WDR11: variants seen among roughly 807,000 people sequenced by gnomAD.
WDR11 encodes the protein WD repeat-containing protein 11.
Under a neutral mutation model 151.2 loss-of-function variants are expected in WDR11, and 83 were observed. The observed-to-expected ratio is 0.55, with a 90% CI of 0.46 to 0.66. The LOEUF is 0.66. Ranked by LOEUF, WDR11 falls within the 30% of genes least tolerant of loss-of-function variation. The pLI is 0.00. For synonymous variants in WDR11, 484 were observed against 533.1 expected (o/e 0.91, Z 1.27); for missense variants, 1,301 against 1,480.9 (o/e 0.88, Z 1.99).
chr10:120,869,443 C>T (rs912504472), intron 9 of WDR11, among the ~76,000 whole-genome samples: 3 of 152,044 alleles, frequency 2.0e-5, no homozygotes, highest in Non-Finnish European at 4.4e-5. Context: ...CAAATGGATA[C>T]GGATTGTATA....
chr10:120,900,194 A>T, intron 20 of WDR11, 57 bp downstream of exon 20: 1 of 1,450,416 alleles, frequency 6.9e-7, no homozygotes, highest in Non-Finnish European at 9.7e-7. Flanking sequence ...AAAGACACCC[A>T]TGAAAGTCAG....
At chr10:120,897,970 A>G in intron 19 of WDR11, among the ~76,000 whole-genome samples, 1 of 152,334 alleles carries the variant, frequency 6.6e-6, no homozygotes. Context: ...TATTTTGTGT[A>G]TAATTTAATT....
At position 120,873,660 on chromosome 10, in the gene WDR11, T is replaced by A. The variant is rs191550730; in HGVS notation, c.1472-179T>A. ...CACGTGAGGTTAGGCCCATTTTTTT[T>A]ATAAGGAAGTGGACCAGAGAAATTC... On this transcript the variant is annotated intron_variant, in intron 10 of 28. Transcript: ENST00000263461. Among the ~76,000 whole-genome samples, 264 of 152,332 alleles carry A rather than the reference T, an allele frequency of 1.7e-3. 2 individuals carry two copies. The highest frequency in any genetic ancestry group is 5.7e-3 in the African/African-American group (237 of 41,578).
In WDR11 at chr10:120,858,665, A is replaced by G. The variant is rs986989585; in HGVS notation, c.221A>G (p.Tyr74Cys). ...VVKVKWAREN[Y>C]HHNIGSPYCL... ...CAGGTTAAATGGGCCAGGGAAAACTATCACCATAACATTGGCTCACCATAT... is the reference window on the plus strand; with the variant it reads ...CAGGTTAAATGGGCCAGGGAAAACTGTCACCATAACATTGGCTCACCATAT... Residue 74 changes from tyrosine (Y) to cysteine (C), a missense_variant, in exon 3 of 29, where the codon TAT (tyrosine) becomes TGT (cysteine). By Grantham distance (194) the Tyr-to-Cys change is radical. Transcript: ENST00000263461. The G allele has an allele frequency of 2.5e-6, 4 of 1,614,230 alleles. No homozygotes were observed. Among genetic ancestry groups the G allele is most frequent in the Non-Finnish European group, 3.4e-6 (4 of 1,180,042 alleles).
intron 9 of WDR11, among the ~76,000 whole-genome samples, chr10:120,870,360 T>C (rs1322115152): frequency 1.3e-5 from 2 of 152,200 alleles, no homozygotes; most frequent in African/African-American, 4.8e-5. Context: ...TTCTTTCTAT[T>C]TTTGGCAAGT....
chr10:120,851,587 C>T (rs1845774658), intron 1 of WDR11, 81 bp downstream of exon 1: 2 of 1,536,426 alleles, frequency 1.3e-6, no homozygotes, highest in South Asian at 1.2e-5. Context: ...AGGTTTCACC[C>T]CCTGGTTAGT....
At chr10:120,887,374 G>A (rs997163885) in intron 16 of WDR11, among the ~76,000 whole-genome samples, 1 of 152,116 alleles carries the variant, frequency 6.6e-6, no homozygotes, top group Admixed American at 6.5e-5. Context: ...GTGTCAGCAT[G>A]CATCTCATAG....
chr10:120,857,096 G>A (rs111480645), intron 2 of WDR11, among the ~76,000 whole-genome samples: 1 of 148,598 alleles, frequency 6.7e-6, no homozygotes, highest in African/African-American at 2.6e-5. Flanking sequence ...ATATATGTAT[G>A]TATTTTTTGC....
chr10:120,864,953 T>C (rs1289241662), intron 5 of WDR11, 94 bp from the exon 6 acceptor site: 5 of 1,441,644 alleles, frequency 3.5e-6, no homozygotes, highest in Non-Finnish European at 4.8e-6. Flanking sequence ...ACATTTTTAT[T>C]GTCAATTTTT....
intron 14 of WDR11, 41 bp downstream of exon 14, chr10:120,883,929 A>G (rs746747487): frequency 1.0e-5 from 15 of 1,496,636 alleles, no homozygotes; most frequent in East Asian, 6.8e-5. Flanking sequence ...ATTTAGGTAT[A>G]TATGTATGTG....
At position 120,873,803 on chromosome 10, in the gene WDR11, C is replaced by T. The variant is rs781764126; in HGVS notation, c.1472-36C>T. 2.9e-5 allele frequency: 42 copies of T among 1,436,552 alleles called. No individual in the cohort carries two copies. The Middle Eastern group carries it at 5.2e-4, about 18-fold the overall frequency. The allele number at this position is 1,436,552 out of a possible 1,614,324, so 89.0% of individuals were successfully genotyped here. On this transcript the variant is annotated intron_variant, in intron 10 of 28. Coordinates refer to ENST00000263461, the MANE Select transcript of WDR11 (RefSeq NM_018117.12). ...TTCTTGCAAAGTGCTGGAACTCCCA[C>T]TGAATTAATGCTCTTCCATGATGTC...
chr10:120,901,147 T>C, intron 21 of WDR11, 49 bp downstream of exon 21: 6 of 1,466,730 alleles, frequency 4.1e-6, no homozygotes, highest in Non-Finnish European at 5.7e-6. Context: ...GAAAGAAAAA[T>C]GCAATTCAAC....
At chr10:120,878,486 T>G (rs774248357) in intron 12 of WDR11, 27 bp downstream of exon 12, 15 of 1,552,988 alleles carry the variant, frequency 9.7e-6, no homozygotes, top group Non-Finnish European at 1.3e-5. Flanking sequence ...CCAAATAGGT[T>G]TGTCATATTG....
At chr10:120,895,540 C>A (rs1247436203) in intron 19 of WDR11, among the ~76,000 whole-genome samples, 1 of 151,762 alleles carries the variant, frequency 6.6e-6, no homozygotes, top group Non-Finnish European at 1.5e-5. Context: ...AAAAGAAAAT[C>A]TTTAATAAGA....
intron 23 of WDR11, among the ~76,000 whole-genome samples, chr10:120,903,445 G>A (rs562187683): frequency 6.6e-6 from 1 of 151,780 alleles, no homozygotes; most frequent in Admixed American, 6.6e-5. Flanking sequence ...AGGAGGCGGA[G>A]GTTGCAGTGA....
Position 120,865,734 on chromosome 10 carries a change from T to A in WDR11, c.984T>A (p.Asn328Lys), listed in dbSNP as rs1001962909. The A allele has an allele frequency of 3.8e-6, 6 of 1,598,134 alleles. No individual in the cohort carries two copies. The highest frequency in any genetic ancestry group is 1.1e-5 in the South Asian group (1 of 90,426). Residue 328 changes from asparagine to lysine, a missense_variant, in exon 7 of 29, where the codon AAT becomes AAA. Physicochemically the swap from Asn to Lys is moderately conservative, Grantham distance 94 (BLOSUM62 0). Around this residue, in one of 3 missense-constraint regions of WDR11, gnomAD observed 692 missense variants for 762.5 expected, o/e 0.91. Coordinates refer to ENST00000263461, the MANE Select transcript of WDR11 (RefSeq NM_018117.12). ...ATAATAACATTTTTACCACTTCAAA[T>A]GAGGAACCAGGTGAGTTTCTGTCTC... is the stretch of plus-strand genomic sequence containing the variant. Reference protein sequence around the residue: ...RSYNNIFTTSNEEPDPDPVQE... With the variant: ...RSYNNIFTTSKEEPDPDPVQE...
In WDR11 at chr10:120,880,875, C is replaced by T. The variant is rs757264818; in HGVS notation, c.1713C>T (p.Ile571=). 1.9e-6 allele frequency: 3 copies of T among 1,602,744 alleles called. No individual in the cohort carries two copies. The highest frequency in any genetic ancestry group is 1.7e-6 in the Non-Finnish European group (2 of 1,173,006). ...AAAGAGGCAATGATGAATCTGCCAT[C>T]GAAATGATTAAAGTATCTCATTTGA... ...RGERGNDESA[I]EMIKVSHLKQ... The change falls in exon 13 of 29, where the codon ATC becomes ATT. Residue 571 remains isoleucine, a synonymous_variant. Transcript: ENST00000263461.
At chr10:120,876,767 C>T (rs1846807298) in intron 11 of WDR11, among the ~76,000 whole-genome samples, 1 of 152,206 alleles carries the variant, frequency 6.6e-6, no homozygotes. Flanking sequence ...TCACACGTAT[C>T]ATTTCATTGA....
intron 8 of WDR11, 102 bp downstream of exon 8, chr10:120,866,866 A>G: frequency 7.4e-6 from 10 of 1,350,224 alleles, no homozygotes; most frequent in Non-Finnish European, 1.0e-5. Flanking sequence ...TTTCTATAAA[A>G]ATATTTTTAA....
Sources: allele counts gnomAD v4.1 joint callset (sites outside exome capture counted in the v4.1 genomes callset), GRCh38; gene constraint gnomAD v4.1.1; regional missense constraint gnomAD v4.1.1; transcripts MANE v1.5; gene names NCBI Gene and HGNC (gene_info 2026-07-23, HGNC 2026-07-21).